CREB5: variants seen among roughly 807,000 people sequenced by gnomAD.
CREB5 encodes the protein cAMP responsive element binding protein 5, also known as cyclic AMP-responsive element-binding protein 5.
CREB5 carries 19 observed loss-of-function variants against 57.1 expected under a neutral mutation model. The ratio of observed to expected loss-of-function variants is 0.33; its 90% CI spans 0.23 to 0.49. CREB5 has a LOEUF of 0.49. Ranked by LOEUF, CREB5 falls within the 20% of genes least tolerant of loss-of-function variation. The pLI, the probability that CREB5 is intolerant of heterozygous loss-of-function variation, is 0.99. For synonymous variants in CREB5, 238 were observed against 238.3 expected (o/e 1.00, Z 0.01); for missense variants, 579 against 671.6 (o/e 0.86, Z 1.52).
chr7:28,649,353 T>A (rs1332688299), intron 5 of CREB5, among the ~76,000 whole-genome samples: 1 of 152,254 alleles, frequency 6.6e-6, no homozygotes, highest in Admixed American at 6.5e-5. Flanking sequence ...TCATGCCATG[T>A]AAAACTCAAA....
intron 1 of CREB5, among the ~76,000 whole-genome samples, chr7:28,314,631 A>G (rs545552840): frequency 1.3e-5 from 2 of 152,324 alleles, no homozygotes; most frequent in East Asian, 1.9e-4. Context: ...TGCCAGTATC[A>G]TAGTTCATAT....
At chr7:28,753,038 G>A (rs1169373674) in intron 7 of CREB5, among the ~76,000 whole-genome samples, 1 of 152,012 alleles carries the variant, frequency 6.6e-6, no homozygotes, top group East Asian at 1.9e-4. Context: ...CCATACACAT[G>A]ATTCCACTTA....
At chr7:28,714,965 T>G (rs141789475) in intron 5 of CREB5, among the ~76,000 whole-genome samples, 2,165 of 152,342 alleles carry the variant, frequency 0.014, 24 homozygotes, top group Non-Finnish European at 0.018. Context: ...GGAGAAGGAC[T>G]GTTGGGTCTT....
chr7:28,424,824 G>A (rs960442445), intron 1 of CREB5, among the ~76,000 whole-genome samples: 48 of 152,034 alleles, frequency 3.2e-4, no homozygotes, highest in African/African-American at 1.1e-3. Flanking sequence ...TTTCAGTGTG[G>A]GAAGGAAAAA....
At chr7:28,640,579 G>A (rs568799891) in intron 5 of CREB5, among the ~76,000 whole-genome samples, 6 of 152,050 alleles carry the variant, frequency 3.9e-5, no homozygotes, top group African/African-American at 1.2e-4. Context: ...ATTTTATGGC[G>A]ATCACAAGAA....
intron 4 of CREB5, among the ~76,000 whole-genome samples, chr7:28,531,763 G>A (rs1466578743): frequency 6.6e-6 from 1 of 152,194 alleles, no homozygotes; most frequent in African/African-American, 2.4e-5. Flanking sequence ...GGGCGTGGGG[G>A]CTCACGCCTG....
At chr7:28,404,883 C>A (rs141235697) in intron 1 of CREB5, among the ~76,000 whole-genome samples, 2 of 152,342 alleles carry the variant, frequency 1.3e-5, no homozygotes, top group East Asian at 3.9e-4. Context: ...CAGGCAGGCA[C>A]TGGGACAGGC....
At chr7:28,540,848 A>G (rs1794178276) in intron 4 of CREB5, among the ~76,000 whole-genome samples, 1 of 152,186 alleles carries the variant, frequency 6.6e-6, no homozygotes, top group Admixed American at 6.5e-5. Context: ...TCCTTCTGCC[A>G]TGATACCCAT....
chr7:28,446,575 G>A (rs1004233589), intron 1 of CREB5, among the ~76,000 whole-genome samples: 10 of 152,128 alleles, frequency 6.6e-5, no homozygotes, highest in African/African-American at 1.4e-4. Context: ...GGCAGATCAC[G>A]AAGTCAGGAG....
chr7:28,439,910 T>A (rs1475130871), intron 1 of CREB5, among the ~76,000 whole-genome samples: 6 of 152,200 alleles, frequency 3.9e-5, no homozygotes, highest in African/African-American at 1.4e-4. Context: ...AAAAAGCCTA[T>A]CACTGGTTAA....
intron 1 of CREB5, among the ~76,000 whole-genome samples, chr7:28,322,922 T>G (rs1785518193): frequency 6.6e-6 from 1 of 152,184 alleles, no homozygotes; most frequent in Non-Finnish European, 1.5e-5. Flanking sequence ...ATGATCATTT[T>G]CTATAATTAT....
intron 5 of CREB5, among the ~76,000 whole-genome samples, chr7:28,697,148 ATATAT>A (rs1448575204): frequency 2.0e-5 from 3 of 152,094 alleles, no homozygotes; most frequent in Non-Finnish European, 4.4e-5. Context: ...TGGATATCTG[ATATAT>A]TAGATATGTA....
chr7:28,552,587 C>T (rs1794716998), intron 4 of CREB5, among the ~76,000 whole-genome samples: 1 of 152,196 alleles, frequency 6.6e-6, no homozygotes, highest in African/African-American at 2.4e-5. Flanking sequence ...CCTGGGCAGT[C>T]TTGAGCCTTC....
At chr7:28,446,907 T>C (rs1380545467) in intron 1 of CREB5, among the ~76,000 whole-genome samples, 4 of 152,228 alleles carry the variant, frequency 2.6e-5, no homozygotes, top group Admixed American at 2.0e-4. Context: ...ATTGTGTGTA[T>C]TGAAGTACCT....
At chr7:28,400,712 G>A (rs1201650549) in intron 1 of CREB5, among the ~76,000 whole-genome samples, 3 of 152,230 alleles carry the variant, frequency 2.0e-5, no homozygotes, top group African/African-American at 4.8e-5. Flanking sequence ...AGGAGGAATC[G>A]CTGATCAATT....
At chr7:28,568,483 A>C (rs1795568647) in intron 4 of CREB5, among the ~76,000 whole-genome samples, 2 of 152,216 alleles carry the variant, frequency 1.3e-5, no homozygotes, top group African/African-American at 4.8e-5. Flanking sequence ...AAATAACACA[A>C]ATCATTTTTA....
At chr7:28,504,453 G>T (rs1005890814) in intron 3 of CREB5, among the ~76,000 whole-genome samples, 3 of 152,100 alleles carry the variant, frequency 2.0e-5, no homozygotes, top group African/African-American at 7.2e-5. Context: ...GAGGCCCTTG[G>T]GGGGTTTACA....
intron 1 of CREB5, among the ~76,000 whole-genome samples, chr7:28,336,673 T>C (rs1562662895): frequency 6.6e-6 from 1 of 152,092 alleles, no homozygotes; most frequent in African/African-American, 2.4e-5. Context: ...TGTATTATTT[T>C]CTTTATTACA....
intron 5 of CREB5, among the ~76,000 whole-genome samples, chr7:28,676,979 T>C (rs1583527450): frequency 1.3e-5 from 2 of 152,224 alleles, no homozygotes; most frequent in African/African-American, 4.8e-5. Context: ...GGGTGTTATG[T>C]TACTGTGAAC....
Sources: allele counts gnomAD v4.1 joint callset (sites outside exome capture counted in the v4.1 genomes callset), GRCh38; gene constraint gnomAD v4.1.1; transcripts MANE v1.5; gene names NCBI Gene and HGNC (gene_info 2026-07-23, HGNC 2026-07-21).